Variants in AUTS2 observed in about 807,000 individuals in gnomAD.
AUTS2 encodes the protein activator of transcription and developmental regulator AUTS2, also known as autism susceptibility gene 2 protein.
Under a neutral mutation model 112.4 loss-of-function variants are expected in AUTS2, and 17 were observed. That is an observed-to-expected ratio of 0.15 (90% CI 0.10 to 0.23). AUTS2 has a LOEUF of 0.23. AUTS2 is among the 10% of genes least tolerant of loss of function. The pLI, the probability that AUTS2 is intolerant of heterozygous loss-of-function variation, is 1.00. For synonymous variants in AUTS2, 751 were observed against 702.7 expected (o/e 1.07, Z -1.09); for missense variants, 1,510 against 1,701.6 (o/e 0.89, Z 1.98).
chr7:69,655,326 T>G (rs1795476733), intron 1 of AUTS2, among the ~76,000 whole-genome samples: 1 of 152,234 alleles, frequency 6.6e-6, no homozygotes, highest in African/African-American at 2.4e-5. Flanking sequence ...GGCTCTGTAT[T>G]AATTTGGGGC....
chr7:70,790,854 C>CGACAGCAGCGCT lies in AUTS2; in HGVS notation c.3641_3652dup (p.Thr1214_Leu1217dup), dbSNP rs1014476165. On this transcript the variant is annotated inframe_insertion, in exon 19 of 19. Transcript: ENST00000342771. This position sits in a 1 kb window ranked among gnomAD's most constrained non-coding sequence, Gnocchi z 7.6. ...AACGGACTCCTCAACAAGACCCCTCCGACAGCAGCGCTGAGCGCACCTCCC... is the reference window on the plus strand; with the variant it reads ...AACGGACTCCTCAACAAGACCCCTCCGACAGCAGCGCTGACAGCAGCGCTGAGCGCACCTCCC... 6.2e-7 allele frequency: 1 copy of CGACAGCAGCGCT among 1,606,816 alleles called. No homozygotes were observed. The highest frequency in any genetic ancestry group is 8.5e-7 in the Non-Finnish European group (1 of 1,176,300).
chr7:70,633,208 C>A (rs1285279470), intron 5 of AUTS2, among the ~76,000 whole-genome samples: 1 of 152,142 alleles, frequency 6.6e-6, no homozygotes, highest in Non-Finnish European at 1.5e-5. Context: ...AGGGTCCCCC[C>A]ACCTCTTCAC....
In AUTS2 at chr7:70,248,621, G is replaced by T. The variant is rs73446360; in HGVS notation, c.660+114050G>T. Among the ~76,000 whole-genome samples, 419 of 151,996 alleles carry T rather than the reference G, an allele frequency of 2.8e-3. 2 individuals are homozygous for T. The highest frequency in any genetic ancestry group is 9.8e-3 in the African/African-American group (405 of 41,450). ...AATTTATTTTGTGCATTCTATTTTT[G>T]CCCTTTCTACATTTTTTTTCTGATT... On this transcript the variant is annotated intron_variant, in intron 4 of 18. Coordinates refer to ENST00000342771, the MANE Select transcript of AUTS2 (RefSeq NM_015570.4).
intron 2 of AUTS2, among the ~76,000 whole-genome samples, chr7:70,079,813 T>C (rs1803215315): frequency 6.6e-6 from 1 of 152,084 alleles, no homozygotes; most frequent in Non-Finnish European, 1.5e-5. Flanking sequence ...GCAAACTGAG[T>C]AATTTATAAG....
At chr7:70,617,835 C>G (rs1022968545) in intron 5 of AUTS2, among the ~76,000 whole-genome samples, 1 of 152,178 alleles carries the variant, frequency 6.6e-6, no homozygotes, top group Non-Finnish European at 1.5e-5. Flanking sequence ...ATGTCCATTT[C>G]TTTGCCTCCT....
At chr7:70,120,090 A>G (rs956695667) in intron 3 of AUTS2, 8 of 152,050 alleles carry the variant, frequency 5.3e-5, no homozygotes, top group African/African-American at 1.9e-4. Flanking sequence ...ACGGTTGGAG[A>G]CCACTCTAGC....
intron 9 of AUTS2, among the ~76,000 whole-genome samples, chr7:70,767,815 A>G (rs1419250035): frequency 6.6e-6 from 1 of 152,208 alleles, no homozygotes; most frequent in African/African-American, 2.4e-5. Flanking sequence ...GCAGAACTAA[A>G]ACGTACCACT....
At chr7:70,771,787 A>G in intron 11 of AUTS2, 143 bp downstream of exon 11, 2 of 572,456 alleles carry the variant, frequency 3.5e-6, no homozygotes, top group Non-Finnish European at 5.6e-6. Flanking sequence ...GAGTGAGCCT[A>G]TTTTTCTTTT....
In AUTS2 at chr7:70,774,048, C is replaced by T. The variant is rs139965676; in HGVS notation, c.1851C>T (p.Val617=). 82 of 1,614,168 alleles carry T rather than the reference C, an allele frequency of 5.1e-5. No individual in the cohort carries two copies. Among genetic ancestry groups the T allele is most frequent in the Non-Finnish European group, 6.4e-5 (76 of 1,180,028 alleles). Residue 617 remains valine, a synonymous_variant, in exon 12 of 19, where the codon GTC becomes GTT. Transcript: ENST00000342771. The part of the protein sequence containing the change: ...FQPKTSNPID[V]AARPGTVPHT... ...TGTAGACATCCAACCCTATCGATGTCGCTGCTCGGCCTGGGACAGTCCCAC... is the reference window on the plus strand; with the variant it reads ...TGTAGACATCCAACCCTATCGATGTTGCTGCTCGGCCTGGGACAGTCCCAC...
At chr7:70,397,782 AATTT>A (rs1794153705) in intron 4 of AUTS2, among the ~76,000 whole-genome samples, 1 of 152,004 alleles carries the variant, frequency 6.6e-6, no homozygotes, top group Non-Finnish European at 1.5e-5. Flanking sequence ...CCAATTAATT[AATTT>A]ATTCTTTTAT....
intron 5 of AUTS2, among the ~76,000 whole-genome samples, chr7:70,504,531 G>T (rs1798889313): frequency 1.3e-5 from 2 of 152,212 alleles, no homozygotes; most frequent in South Asian, 4.1e-4. Flanking sequence ...TAGCAGTGTA[G>T]ATGTGTGAGT....
chr7:69,803,242 ACTCCTTTCTCTTTGATGATCAG>A (rs753062715), intron 1 of AUTS2, among the ~76,000 whole-genome samples: 1 of 152,018 alleles, frequency 6.6e-6, no homozygotes, highest in Non-Finnish European at 1.5e-5. Flanking sequence ...TGTACCGTGC[ACTCCTTTCTCTTTGATGATCAG>A]CTCTGAAGTG....
chr7:70,475,634 C>G (rs1482867324), intron 5 of AUTS2, among the ~76,000 whole-genome samples: 1 of 152,172 alleles, frequency 6.6e-6, no homozygotes, highest in Non-Finnish European at 1.5e-5. Context: ...CACTGTTGGT[C>G]AAGAAATCTG....
intron 1 of AUTS2, among the ~76,000 whole-genome samples, chr7:69,774,002 G>C (rs1170043070): frequency 6.6e-6 from 1 of 152,254 alleles, no homozygotes; most frequent in Non-Finnish European, 1.5e-5. Flanking sequence ...GTCTGCAGCA[G>C]GCAATGTGAC....
At chr7:69,602,020 G>GTATATATATATATATATA (rs1173266676) in intron 1 of AUTS2, among the ~76,000 whole-genome samples, 21 of 68,354 alleles carry the variant, frequency 3.1e-4, no homozygotes, top group Non-Finnish European at 3.8e-4. Context: ...ATGTGTGTGT[G>GTATATATATATATATATA]TATATATATA....
chr7:69,807,160 T>G (rs984806268), intron 1 of AUTS2, among the ~76,000 whole-genome samples: 6 of 152,322 alleles, frequency 3.9e-5, no homozygotes, highest in Middle Eastern at 3.4e-3. Context: ...CACAATCTAA[T>G]TTTGTTTCCA....
At chr7:70,255,496 A>G (rs940765733) in intron 4 of AUTS2, among the ~76,000 whole-genome samples, 2 of 152,162 alleles carry the variant, frequency 1.3e-5, no homozygotes, top group African/African-American at 4.8e-5. Context: ...TCCTTTTGAC[A>G]TTTGCATTCC....
chr7:70,384,175 G>T (rs1274682860), intron 4 of AUTS2, among the ~76,000 whole-genome samples: 3 of 152,140 alleles, frequency 2.0e-5, no homozygotes, highest in Non-Finnish European at 4.4e-5. Context: ...ATGGTTGCCC[G>T]TGTTCCATGG....
intron 2 of AUTS2, among the ~76,000 whole-genome samples, chr7:69,948,311 A>G (rs533340001): frequency 6.6e-6 from 1 of 152,294 alleles, no homozygotes; most frequent in East Asian, 1.9e-4. Context: ...GCATTGCTCA[A>G]AAGATATTCT....
Sources: gnomAD v4.1 joint callset for allele counts (sites outside exome capture counted in the v4.1 genomes callset) on GRCh38, gnomAD v4.1.1 for gene constraint, Gnocchi (gnomAD v3.1) non-coding constraint, MANE v1.5 for transcripts, NCBI Gene and HGNC (gene_info 2026-07-23, HGNC 2026-07-21) for gene names.